Variants in CYP2J2 observed in about 807,000 individuals in gnomAD.
CYP2J2 encodes cytochrome P450 family 2 subfamily J member 2.
In CYP2J2, 41 loss-of-function variants were observed where a neutral mutation model predicts 48.8. The observed-to-expected ratio is 0.84, with a 90% CI of 0.66 to 1.09. CYP2J2 has a LOEUF of 1.09. Among genes scored for constraint, CYP2J2 ranks in the 50% least tolerant of loss-of-function variants. CYP2J2 has a pLI of 0.00. For missense variants in CYP2J2, 644 were observed against 617.3 expected (o/e 1.04, Z -0.46); for synonymous variants, 221 against 227.1 (o/e 0.97, Z 0.24).
At chr1:59,961,217 G>T in the CYP2J2 span, among the ~76,000 whole-genome samples, 1 of 151,990 alleles carries the variant, frequency 6.6e-6, no homozygotes, top group Non-Finnish European at 1.5e-5. Context: ...CAGAATAAAA[G>T]AAAATATTTG....
rs139705845 is a variant in CYP2J2 at position 59,893,668 on chromosome 1, C to T, written c.1492G>A (p.Ala498Thr). The change falls in exon 9 of 9, where the codon GCT (alanine) becomes ACT (threonine). Residue 498 changes from alanine to threonine, a missense_variant. By Grantham distance (58) the Ala-to-Thr change is moderately conservative. Transcript: ENST00000371204. Reference protein sequence around the residue: ...TISPVSHRLCAVPQV With the variant: ...TISPVSHRLCTVPQV ...TAACAATATTACACCTGAGGAACAG[C>T]GCAGAGGCGGTGACTGACTGGGGAA... 1.8e-5 allele frequency: 29 copies of T among 1,611,392 alleles called. No individual in the cohort carries two copies. Among genetic ancestry groups the T allele is most frequent in the Non-Finnish European group, 2.1e-5 (25 of 1,178,956 alleles).
At chr1:59,933,216 T>G in the CYP2J2 span, among the ~76,000 whole-genome samples, 1,358 of 152,078 alleles carry the variant, frequency 8.9e-3, 20 homozygotes, top group African/African-American at 0.031. Flanking sequence ...TTAAACAAGT[T>G]TAATAAAAGA....
At chr1:59,951,367 C>T in the CYP2J2 span, among the ~76,000 whole-genome samples, 2 of 152,156 alleles carry the variant, frequency 1.3e-5, no homozygotes, top group African/African-American at 4.8e-5. Flanking sequence ...TTTTTCTAAG[C>T]TTGAAATAGT....
chr1:59,911,757 C>A lies in CYP2J2; in HGVS notation c.535G>T (p.Asp179Tyr). 6.2e-7 allele frequency: 1 copy of A among 1,612,646 alleles called. No individual in the cohort carries two copies. Among genetic ancestry groups the A allele is most frequent in the Non-Finnish European group, 8.5e-7 (1 of 1,179,324 alleles). The change falls in exon 4 of 9, where the codon GAC (aspartate) becomes TAC (tyrosine). Residue 179 changes from aspartate to tyrosine, a missense_variant. Coordinates refer to ENST00000371204, the MANE Select transcript of CYP2J2 (RefSeq NM_000775.4). ...GCATTGTTGATCTTGAAATGAGGGT[C>A]AAAAGGCTGTCCTGAAGGTGGAGGA... ...AIKEENGQPF[D>Y]PHFKINNAVS... is the part of the protein sequence containing the mutation.
the CYP2J2 span, among the ~76,000 whole-genome samples, chr1:59,953,441 T>C: frequency 6.6e-6 from 1 of 152,032 alleles, no homozygotes; most frequent in South Asian, 2.1e-4. Context: ...TGATAATATA[T>C]CGGGCAGTGA....
the CYP2J2 span, among the ~76,000 whole-genome samples, chr1:59,961,132 G>C: frequency 6.6e-6 from 1 of 152,090 alleles, no homozygotes; most frequent in Non-Finnish European, 1.5e-5. Context: ...AATAAAACAT[G>C]ATAAATTGGG....
chr1:59,912,543 C>A, intron 2 of CYP2J2: 1 of 430,426 alleles, frequency 2.3e-6, no homozygotes, highest in East Asian at 3.8e-5. Context: ...ATTTAGTACT[C>A]ATAGAAACTC....
chr1:59,949,626 C>A, the CYP2J2 span, among the ~76,000 whole-genome samples: 1 of 151,636 alleles, frequency 6.6e-6, no homozygotes, highest in African/African-American at 2.4e-5. Context: ...CATGAGTAAA[C>A]CCCGGTAACC....
intron 8 of CYP2J2, among the ~76,000 whole-genome samples, chr1:59,897,787 T>C (rs1644282399): frequency 6.6e-6 from 1 of 152,208 alleles, no homozygotes; most frequent in Admixed American, 6.5e-5. Context: ...CTTTGAAACC[T>C]GTCTTGATTA....
the CYP2J2 span, among the ~76,000 whole-genome samples, chr1:59,934,102 T>C: frequency 6.6e-6 from 1 of 152,076 alleles, no homozygotes; most frequent in Non-Finnish European, 1.5e-5. Context: ...GAGCAAATGG[T>C]CTTCAACAAG....
intron 1 of CYP2J2, among the ~76,000 whole-genome samples, chr1:59,919,901 C>T (rs1055051684): frequency 1.9e-4 from 29 of 152,176 alleles, no homozygotes; most frequent in Non-Finnish European, 2.1e-4. Flanking sequence ...TTGCCAGGCA[C>T]CTTCTGGCAC....
intron 8 of CYP2J2, among the ~76,000 whole-genome samples, chr1:59,895,654 TTTA>T (rs1418365567): frequency 1.3e-5 from 2 of 152,068 alleles, no homozygotes; most frequent in East Asian, 3.9e-4. Flanking sequence ...TTTATTTTTA[TTTA>T]TTATTATTAT....
the CYP2J2 span, among the ~76,000 whole-genome samples, chr1:59,954,426 A>C: frequency 2.0e-5 from 3 of 152,182 alleles, no homozygotes; most frequent in African/African-American, 7.2e-5. Context: ...ACATGAGTGG[A>C]AGTGGAGAAA....
intron 2 of CYP2J2, among the ~76,000 whole-genome samples, chr1:59,913,753 G>T (rs1472793287): frequency 6.6e-6 from 1 of 152,210 alleles, no homozygotes; most frequent in African/African-American, 2.4e-5. Context: ...TGCTACAAAA[G>T]TCCCTTGCTC....
At chr1:59,895,066 A>G (rs1332964005) in intron 8 of CYP2J2, among the ~76,000 whole-genome samples, 1 of 152,236 alleles carries the variant, frequency 6.6e-6, no homozygotes, top group Non-Finnish European at 1.5e-5. Context: ...TTTTCTAAAA[A>G]GAAAGACATT....
At chr1:59,929,131 C>T (rs1246970713), upstream of CYP2J2, among the ~76,000 whole-genome samples, 5 of 152,304 alleles carry the variant, frequency 3.3e-5, no homozygotes, top group Non-Finnish European at 7.3e-5. Flanking sequence ...CTGCTAAAAC[C>T]AATGTCGTTG....
In CYP2J2 at chr1:59,900,932, T is replaced by C. The variant is rs766893299; in HGVS notation, c.1330+33A>G. 3.7e-6 allele frequency: 6 copies of C among 1,601,796 alleles called. No individual in the cohort carries two copies. In the African/African-American group the frequency reaches 8.0e-5, roughly 21 times the overall value. The stretch of plus-strand genomic sequence containing the variant: ...CAGGGGAGGGCTGGGAGAGGGGCCC[T>C]GGACTCCCACACACCTGTTTACTAC... On this transcript the variant is annotated intron_variant, in intron 8 of 8. Coordinates refer to ENST00000371204, the MANE Select transcript of CYP2J2 (RefSeq NM_000775.4).
At chr1:59,951,291 G>T in the CYP2J2 span, among the ~76,000 whole-genome samples, 1 of 152,048 alleles carries the variant, frequency 6.6e-6, no homozygotes, top group South Asian at 2.1e-4. Flanking sequence ...TCCTTCTCCA[G>T]ACTACATGGT....
the CYP2J2 span, among the ~76,000 whole-genome samples, chr1:59,955,636 C>T: frequency 6.6e-6 from 1 of 152,062 alleles, no homozygotes; most frequent in South Asian, 2.1e-4. Flanking sequence ...AGGGACACAT[C>T]CTATGCCTCT....
Sources: gnomAD v4.1 joint callset for allele counts (sites outside exome capture counted in the v4.1 genomes callset) on GRCh38, gnomAD v4.1.1 for gene constraint, MANE v1.5 for transcripts, NCBI Gene and HGNC (gene_info 2026-07-23, HGNC 2026-07-21) for gene names.